Variants in HNRNPH3 observed in about 807,000 individuals in gnomAD.
HNRNPH3 encodes heterogeneous nuclear ribonucleoprotein 2H9.
In HNRNPH3, 7 loss-of-function variants were observed where a neutral mutation model predicts 47.0. The ratio of observed to expected loss-of-function variants is 0.15; its 90% CI spans 0.08 to 0.28. HNRNPH3 has a LOEUF of 0.28. Among genes scored for constraint, HNRNPH3 ranks in the 10% least tolerant of loss-of-function variants. The pLI, the probability that HNRNPH3 is intolerant of heterozygous loss-of-function variation, is 1.00. For synonymous variants in HNRNPH3, 120 were observed against 143.2 expected, an observed-to-expected ratio of 0.84 and a Z score of 1.16; for missense variants, 279 against 449.6, an observed-to-expected ratio of 0.62 and a Z score of 3.43.
intron 1 of HNRNPH3, among the ~76,000 whole-genome samples, chr10:68,333,537 G>T (rs78331000): frequency 1.3e-5 from 2 of 152,080 alleles, no homozygotes; most frequent in Admixed American, 1.3e-4. Flanking sequence ...TGGTAGCTAG[G>T]CATGTTTTTT....
chr10:68,338,193 CCA>C, intron 3 of HNRNPH3, 197 bp downstream of exon 3: 1 of 479,662 alleles, frequency 2.1e-6, no homozygotes, highest in East Asian at 3.1e-5. Context: ...TAGATTGTTT[CCA>C]TTTCTCTGTA....
At chr10:68,332,414 G>C (rs1352119207) in intron 1 of HNRNPH3, among the ~76,000 whole-genome samples, 198 bp downstream of exon 1, 1 of 152,208 alleles carries the variant, frequency 6.6e-6, no homozygotes, top group East Asian at 1.9e-4. Context: ...GGGAGGACTT[G>C]CTCAGGTGGA....
intron 3 of HNRNPH3, 145 bp from the exon 4 acceptor site, chr10:68,338,355 GGTT>G (rs2045644925): frequency 8.0e-6 from 4 of 502,224 alleles, no homozygotes; most frequent in Non-Finnish European, 1.4e-5. Flanking sequence ...TAAGTTTGTA[GGTT>G]TAAACTGTTA....
At chr10:68,341,333 A>G (rs771316283) in intron 7 of HNRNPH3, 24 bp downstream of exon 7, 8 of 1,586,170 alleles carry the variant, frequency 5.0e-6, no homozygotes, top group South Asian at 4.7e-5. Context: ...TTGGCACACA[A>G]TCTTATTTCC....
chr10:68,331,943 CTGCG>C (rs1339508804), upstream of HNRNPH3: 1 of 152,368 alleles, frequency 6.6e-6, no homozygotes, highest in Admixed American at 6.5e-5. Context: ...CGCAGGCGCG[CTGCG>C]TGCCGCCAGC....
chr10:68,337,430 TTTTAAG>T lies in HNRNPH3; in HGVS notation c.112+103_112+108del, dbSNP rs756301566. On this transcript the variant is annotated intron_variant, in intron 2 of 9. Coordinates refer to ENST00000265866, the MANE Select transcript of HNRNPH3 (RefSeq NM_012207.3). The surrounding 1 kb of genome is among the most constrained non-coding windows in gnomAD (Gnocchi z 4.5). ...TGTAAAACCCATTTGATTTTGGAAC[TTTTAAG>T]TTTAACTATGATAGTCTTGGTTAAT... is the stretch of plus-strand genomic sequence containing the variant. 138 of 759,972 alleles carry T rather than the reference TTTTAAG, an allele frequency of 1.8e-4. No homozygotes were observed. The highest frequency in any genetic ancestry group is 4.4e-4 in the African/African-American group (25 of 56,386). 47.1% of individuals were successfully genotyped at this position (759,972 alleles called of 1,614,324 possible). A position where few individuals can be genotyped will look rare whatever the true frequency, so the allele number is the denominator to read the frequency against.
chr10:68,340,069 C>T (rs575766336), intron 6 of HNRNPH3, among the ~76,000 whole-genome samples: 22 of 152,148 alleles, frequency 1.4e-4, no homozygotes, highest in Non-Finnish European at 2.8e-4. Context: ...GAGTCTTGCT[C>T]TGTCGCCCAG....
Position 68,341,264 on chromosome 10 carries a change from C to T in HNRNPH3, c.730C>T (p.His244Tyr). The stretch of plus-strand genomic sequence containing the variant: ...AGAAGCAGATGTAGAGTTTGTGACA[C>T]ATGAAGATGCAGTAGCTGCCATGTC... ...TGEADVEFVT[H>Y]EDAVAAMSKD... is the part of the protein sequence containing the mutation. Residue 244 changes from histidine to tyrosine, a missense_variant, in exon 7 of 10, where the codon CAT becomes TAT. This residue lies in a region of HNRNPH3 where 239 missense variants were observed against 335.8 expected (regional missense o/e 0.71). Coordinates refer to ENST00000265866, the MANE Select transcript of HNRNPH3 (RefSeq NM_012207.3). 1 of 1,606,026 alleles carries T rather than the reference C, an allele frequency of 6.2e-7. No individual in the cohort carries two copies. The highest frequency in any genetic ancestry group is 8.5e-7 in the Non-Finnish European group (1 of 1,178,040).
At chr10:68,338,024 T>C in intron 3 of HNRNPH3, 28 bp downstream of exon 3, 1 of 1,548,014 alleles carries the variant, frequency 6.5e-7, no homozygotes, top group Non-Finnish European at 8.8e-7. Context: ...GGGATGGTGT[T>C]AAATTTTTAT....
chr10:68,333,360 T>G (rs975043166), intron 1 of HNRNPH3, among the ~76,000 whole-genome samples: 2 of 152,174 alleles, frequency 1.3e-5, no homozygotes, highest in Non-Finnish European at 2.9e-5. Flanking sequence ...AGTTTTACTT[T>G]TGGGAAACAG....
rs1447933711 is a variant in HNRNPH3, at chr10:68,337,481, C to T, written c.112+148C>T. On this transcript the variant is annotated intron_variant, in intron 2 of 9. Transcript: ENST00000265866. This position sits in a 1 kb window ranked among gnomAD's most constrained non-coding sequence, Gnocchi z 4.5. ...GTTAATGTATTAAAATAATATGCTC[C>T]AGTTAATATTCAATACAGAATGTGT... The T allele has an allele frequency of 1.0e-5, 6 of 592,660 alleles. No homozygotes were observed. Among genetic ancestry groups the T allele is most frequent in the Non-Finnish European group, 1.5e-5 (5 of 334,104 alleles). 36.7% of individuals were successfully genotyped at this position (592,660 alleles called of 1,614,324 possible).
rs2045714769 is a variant in HNRNPH3, at chr10:68,339,342, C to CA, written c.524-97dup. 4.6e-6 allele frequency: 7 copies of CA among 1,524,708 alleles called. No individual in the cohort carries two copies. The South Asian group carries it at 8.2e-5, about 18-fold the overall frequency. 94.4% of individuals were successfully genotyped at this position (1,524,708 alleles called of 1,614,324 possible). On this transcript the variant is annotated intron_variant, in intron 5 of 9. Transcript: ENST00000265866. The stretch of plus-strand genomic sequence containing the variant: ...AAGTTAATTCAGACAAATTTCAGTG[C>CA]ATTCCTATATAGAGCTTTATACCTT...
intron 1 of HNRNPH3, among the ~76,000 whole-genome samples, chr10:68,332,418 A>G (rs964756487): frequency 6.6e-6 from 1 of 152,168 alleles, no homozygotes; most frequent in Non-Finnish European, 1.5e-5. Context: ...GGACTTGCTC[A>G]GGTGGAATTC....
chr10:68,338,803 T>C (rs2045667485), intron 4 of HNRNPH3, 116 bp downstream of exon 4: 1 of 801,390 alleles, frequency 1.2e-6, no homozygotes, highest in Non-Finnish European at 1.9e-6. Context: ...TAAAACCTGT[T>C]CATGAAAATA....
At chr10:68,333,749 A>C (rs753808270) in intron 1 of HNRNPH3, among the ~76,000 whole-genome samples, 4 of 152,228 alleles carry the variant, frequency 2.6e-5, no homozygotes, top group South Asian at 2.1e-4. Context: ...CTGATAATTC[A>C]TGTAAAACTT....
chr10:68,333,679 T>A (rs2045355116), intron 1 of HNRNPH3, among the ~76,000 whole-genome samples: 1 of 152,052 alleles, frequency 6.6e-6, no homozygotes, highest in Non-Finnish European at 1.5e-5. Context: ...GAGAACTGGA[T>A]CCGTAATTTT....
chr10:68,337,705 A>T lies in HNRNPH3; in HGVS notation c.113-153A>T. On this transcript the variant is annotated intron_variant, in intron 2 of 9. Transcript: ENST00000265866. This position sits in a 1 kb window ranked among gnomAD's most constrained non-coding sequence, Gnocchi z 4.5. ...TATTTAATCCAGTAATATTTGAAAAAATCTTTCATTTGTATTATGGGGTGA... is the reference window on the plus strand; with the variant it reads ...TATTTAATCCAGTAATATTTGAAAATATCTTTCATTTGTATTATGGGGTGA... 1 of 682,146 alleles carries T rather than the reference A, an allele frequency of 1.5e-6. No homozygotes were observed. The allele number at this position is 682,146 out of a possible 1,614,324, so 42.3% of individuals were successfully genotyped here. A position where few individuals can be genotyped will look rare whatever the true frequency, so the allele number is the denominator to read the frequency against.
chr10:68,338,152 G>A (rs969003909), intron 3 of HNRNPH3, 156 bp downstream of exon 3: 1 of 546,146 alleles, frequency 1.8e-6, no homozygotes, highest in Non-Finnish European at 3.2e-6. Context: ...AGATTTGGGT[G>A]GGGAATTAAT....
chr10:68,334,417 T>G (rs2045418633), intron 1 of HNRNPH3, among the ~76,000 whole-genome samples: 2 of 152,244 alleles, frequency 1.3e-5, no homozygotes, highest in African/African-American at 4.8e-5. Flanking sequence ...TTTAACGACT[T>G]TGGTATATAA....
Sources: allele counts gnomAD v4.1 joint callset (sites outside exome capture counted in the v4.1 genomes callset), GRCh38; gene constraint gnomAD v4.1.1; regional missense constraint gnomAD v4.1.1; non-coding constraint Gnocchi (gnomAD v3.1); transcripts MANE v1.5; gene names NCBI Gene and HGNC (gene_info 2026-07-23, HGNC 2026-07-21).